SHISA9: variants seen among roughly 807,000 people sequenced by gnomAD.
The protein encoded by SHISA9 is protein shisa-9.
A neutral mutation model predicts 38.0 loss-of-function variants in SHISA9; 13 were observed. That is an observed-to-expected ratio of 0.34 (90% CI 0.22 to 0.54). The LOEUF is 0.54. Ranked by LOEUF, SHISA9 falls within the 20% of genes least tolerant of loss-of-function variation. SHISA9 has a pLI of 0.91. For synonymous variants in SHISA9, 275 were observed against 242.0 expected (o/e 1.14, Z -1.27); for missense variants, 538 against 575.8 (o/e 0.93, Z 0.67).
At chr16:12,986,981 C>T (rs1291584728) in intron 2 of SHISA9, among the ~76,000 whole-genome samples, 1 of 152,332 alleles carries the variant, frequency 6.6e-6, no homozygotes, top group Admixed American at 6.5e-5. Flanking sequence ...ATGTAGCTGT[C>T]TCTTCCATAT....
chr16:13,224,558 C>T (rs748771044), intron 4 of SHISA9, among the ~76,000 whole-genome samples: 21 of 152,282 alleles, frequency 1.4e-4, no homozygotes, highest in Non-Finnish European at 2.4e-4. Context: ...TATTATTGCA[C>T]GCCTGCTGTA....
the SHISA9 span, among the ~76,000 whole-genome samples, chr16:13,525,283 G>A: frequency 5.3e-5 from 8 of 152,142 alleles, no homozygotes; most frequent in African/African-American, 1.2e-4. Context: ...GGACAGTAGA[G>A]ATAGTGTGAA....
Position 13,207,570 on chromosome 16 carries a change from G to A in SHISA9, c.847+4021G>A, listed in dbSNP as rs567870489. 1.3e-3 allele frequency among the ~76,000 whole-genome samples: 197 copies of A among 151,912 alleles called. 1 individual carries two copies. The highest frequency in any genetic ancestry group is 4.6e-3 in the African/African-American group (191 of 41,268). On this transcript the variant is annotated intron_variant, in intron 3 of 4. Transcript: ENST00000558583. ...GGACACCTTCCCCAGTCCTAGATGG[G>A]GTTGATGTACCCCCTCCTGTTCTTC... is the stretch of plus-strand genomic sequence containing the variant.
chr16:13,325,529 G>A, the SHISA9 span, among the ~76,000 whole-genome samples: 1 of 152,172 alleles, frequency 6.6e-6, no homozygotes, highest in East Asian at 1.9e-4. Context: ...TGGGGTTAGA[G>A]CATGTATTTA....
At chr16:13,451,756 G>GACTCTA in the SHISA9 span, among the ~76,000 whole-genome samples, 2 of 152,198 alleles carry the variant, frequency 1.3e-5, no homozygotes, top group African/African-American at 4.8e-5. Context: ...AGAGACATAG[G>GACTCTA]CATGTGACAG....
chr16:13,293,078 G>A, the SHISA9 span, among the ~76,000 whole-genome samples: 1 of 152,062 alleles, frequency 6.6e-6, no homozygotes, highest in Non-Finnish European at 1.5e-5. Context: ...ATTTACTGGA[G>A]CAATCAATGA....
chr16:13,149,875 C>T (rs1013148462), intron 2 of SHISA9, among the ~76,000 whole-genome samples: 16 of 146,620 alleles, frequency 1.1e-4, no homozygotes, highest in Non-Finnish European at 1.0e-4. Flanking sequence ...CAGTGAGCAG[C>T]GATCATGCCA....
the SHISA9 span, among the ~76,000 whole-genome samples, chr16:13,309,569 G>T: frequency 6.6e-6 from 1 of 151,024 alleles, no homozygotes; most frequent in Non-Finnish European, 1.5e-5. Context: ...CTTGAACCCG[G>T]GAGGTGGAGG....
At chr16:13,200,533 C>A (rs192058756) in intron 2 of SHISA9, among the ~76,000 whole-genome samples, 32 of 152,134 alleles carry the variant, frequency 2.1e-4, no homozygotes, top group Admixed American at 1.7e-3. Flanking sequence ...ACATGGCTGG[C>A]CTGACATGCC....
At chr16:13,512,053 C>T in the SHISA9 span, among the ~76,000 whole-genome samples, 3 of 152,060 alleles carry the variant, frequency 2.0e-5, no homozygotes, top group African/African-American at 4.8e-5. Flanking sequence ...GCAAAATTAG[C>T]CCTAGATTAA....
the SHISA9 span, among the ~76,000 whole-genome samples, chr16:13,257,537 C>T: frequency 2.0e-5 from 3 of 152,188 alleles, no homozygotes; most frequent in African/African-American, 7.2e-5. Context: ...TGAGGCTTTA[C>T]CTTTTCAATA....
chr16:13,538,305 C>T, the SHISA9 span, among the ~76,000 whole-genome samples: 2 of 152,190 alleles, frequency 1.3e-5, no homozygotes, highest in East Asian at 3.9e-4. Flanking sequence ...TGGCAAAATA[C>T]ACTTTCTAGT....
intron 2 of SHISA9, among the ~76,000 whole-genome samples, chr16:12,987,579 C>A (rs1207548424): frequency 6.6e-6 from 1 of 152,096 alleles, no homozygotes; most frequent in East Asian, 1.9e-4. Flanking sequence ...GAACAACACA[C>A]ACCAGGGCCT....
At chr16:12,916,401 A>C (rs1414813802) in intron 1 of SHISA9, among the ~76,000 whole-genome samples, 2 of 152,314 alleles carry the variant, frequency 1.3e-5, no homozygotes, top group African/African-American at 4.8e-5. Flanking sequence ...CAGACACATT[A>C]TATGTATTCA....
chr16:13,437,683 G>A, the SHISA9 span, among the ~76,000 whole-genome samples: 1 of 151,934 alleles, frequency 6.6e-6, no homozygotes, highest in East Asian at 1.9e-4. Flanking sequence ...GAATTCTGGG[G>A]GCCCAGAGCA....
the SHISA9 span, among the ~76,000 whole-genome samples, chr16:13,434,417 A>ATGTGTTTTTTT: frequency 2.2e-4 from 9 of 41,824 alleles, 1 homozygote; most frequent in African/African-American, 6.2e-4. Flanking sequence ...TAGACAAGCT[A>ATGTGTTTTTTT]TGTTTTTTTT....
the SHISA9 span, among the ~76,000 whole-genome samples, chr16:13,292,150 C>T: frequency 1.3e-5 from 2 of 151,758 alleles, no homozygotes; most frequent in Non-Finnish European, 2.9e-5. Context: ...GTCCATGGTG[C>T]TGAACTAGGA....
chr16:13,302,342 A>T, the SHISA9 span, among the ~76,000 whole-genome samples: 1 of 152,170 alleles, frequency 6.6e-6, no homozygotes, highest in Admixed American at 6.5e-5. Flanking sequence ...AGAACCTCAA[A>T]GCCTCCCCTA....
chr16:13,454,427 A>G, the SHISA9 span, among the ~76,000 whole-genome samples: 2 of 152,198 alleles, frequency 1.3e-5, no homozygotes, highest in African/African-American at 2.4e-5. Flanking sequence ...CCTCTTGTCA[A>G]CGTATTAAAT....
Sources: allele counts gnomAD v4.1 joint callset (sites outside exome capture counted in the v4.1 genomes callset), GRCh38; gene constraint gnomAD v4.1.1; transcripts MANE v1.5; gene names NCBI Gene and HGNC (gene_info 2026-07-23, HGNC 2026-07-21).